The following CYP4X1 variants were observed in gnomAD, a reference collection of about 807,000 sequenced individuals.
CYP4X1 encodes cytochrome P450 4X1.
In CYP4X1, 44 loss-of-function variants were observed where a neutral mutation model predicts 57.9. That is an observed-to-expected ratio of 0.76 (90% CI 0.60 to 0.98). The LOEUF (loss-of-function observed/expected upper bound fraction) is 0.98, where lower values mean the gene tolerates loss of function less well. CYP4X1 is among the 50% of genes least tolerant of loss of function. The probability of loss-of-function intolerance (pLI) is 0.00; values close to 1 mark genes in which losing one functional copy is unlikely to be tolerated. For synonymous variants in CYP4X1, 227 were observed against 228.6 expected (o/e 0.99, Z 0.06); for missense variants, 532 against 623.9 (o/e 0.85, Z 1.57).
At chr1:46,968,412 T>G in the CYP4X1 span, among the ~76,000 whole-genome samples, 1 of 152,200 alleles carries the variant, frequency 6.6e-6, no homozygotes, top group African/African-American at 2.4e-5. Flanking sequence ...ATGCCCCAGC[T>G]GTCAGCCAGC....
At chr1:46,967,384 A>G in the CYP4X1 span, among the ~76,000 whole-genome samples, 1 of 152,234 alleles carries the variant, frequency 6.6e-6, no homozygotes, top group Non-Finnish European at 1.5e-5. Context: ...AAAAGCAGAA[A>G]AGCAGGCAGA....
chr1:46,994,010 C>T, the CYP4X1 span, among the ~76,000 whole-genome samples: 1 of 152,276 alleles, frequency 6.6e-6, no homozygotes, highest in East Asian at 1.9e-4. Context: ...TTGCCCATGC[C>T]TATGTCCTGA....
chr1:46,993,310 A>G, the CYP4X1 span, among the ~76,000 whole-genome samples: 2 of 150,552 alleles, frequency 1.3e-5, no homozygotes, highest in African/African-American at 2.5e-5. Context: ...GATGTGCCAC[A>G]TTTTCTTAAT....
the CYP4X1 span, among the ~76,000 whole-genome samples, chr1:47,016,349 A>T: frequency 4.2e-4 from 61 of 146,592 alleles, no homozygotes; most frequent in African/African-American, 6.3e-4. Flanking sequence ...TTTTTTTTTA[A>T]TTTTTTTTTT....
At chr1:47,024,290 C>G (rs1333683339) in intron 1 of CYP4X1, among the ~76,000 whole-genome samples, 21 of 152,204 alleles carry the variant, frequency 1.4e-4, no homozygotes, top group Admixed American at 1.4e-3. Flanking sequence ...AAGTCTGTCT[C>G]TCATTGCTTC....
At position 47,023,779 on chromosome 1, in the gene CYP4X1, G is replaced by A. The variant is rs747228433; in HGVS notation, c.-39G>A. 1.8e-5 allele frequency: 28 copies of A among 1,593,452 alleles called. No homozygotes were observed. The highest frequency in any genetic ancestry group is 2.1e-5 in the Non-Finnish European group (25 of 1,168,160). ...CGGGAGAAAGCCCACCCTCTCCCGC[G>A]CCCCAGGAAACCGCCGGCGTTCGGC... On this transcript the variant is annotated 5_prime_UTR_variant, in exon 1 of 12. Coordinates refer to ENST00000371901, the MANE Select transcript of CYP4X1 (RefSeq NM_178033.2).
the CYP4X1 span, among the ~76,000 whole-genome samples, chr1:46,981,695 C>A: frequency 5.3e-4 from 80 of 152,072 alleles, no homozygotes; most frequent in African/African-American, 1.9e-3. Context: ...ATGTTTATTG[C>A]GGCACTATTC....
chr1:46,975,568 T>C, the CYP4X1 span, among the ~76,000 whole-genome samples: 1 of 152,048 alleles, frequency 6.6e-6, no homozygotes, highest in Non-Finnish European at 1.5e-5. Flanking sequence ...GAGGATGACC[T>C]GCCCCTTCTT....
chr1:47,026,820 C>T (rs528926212), intron 1 of CYP4X1, among the ~76,000 whole-genome samples: 54 of 152,164 alleles, frequency 3.5e-4, no homozygotes, highest in Non-Finnish European at 7.2e-4. Context: ...CGGATTCAAG[C>T]GATTCTCCTG....
chr1:47,030,030 T>C lies in CYP4X1; in HGVS notation c.218T>C (p.Ile73Thr), dbSNP rs144009686. Residue 73 changes from isoleucine (I) to threonine (T), a missense_variant, in exon 2 of 12, where the codon ATT becomes ACT. Physicochemically the swap from Ile to Thr is moderately conservative, Grantham distance 89. Transcript: ENST00000371901. ...AACATGGAGAAGCTTGAGGAAATTA[T>C]TGAAAAATACCCTCGTGCCTTCCCT... ...DDNMEKLEEI[I>T]EKYPRAFPFW... 2.7e-4 allele frequency: 438 copies of C among 1,614,168 alleles called. 3 individuals carry two copies. The African/African-American group carries it at 5.1e-3, about 19-fold the overall frequency.
chr1:47,040,472 T>G (rs1644233342), intron 8 of CYP4X1, among the ~76,000 whole-genome samples: 1 of 152,164 alleles, frequency 6.6e-6, no homozygotes, highest in Admixed American at 6.5e-5. Context: ...CCATATTTCA[T>G]ATGCAAAAGT....
the CYP4X1 span, among the ~76,000 whole-genome samples, chr1:47,005,709 G>A: frequency 6.6e-6 from 1 of 152,124 alleles, no homozygotes; most frequent in Admixed American, 6.6e-5. Flanking sequence ...AAAAAAGCTG[G>A]CTTTAAAATT....
At chr1:47,018,303 C>T in the CYP4X1 span, among the ~76,000 whole-genome samples, 1 of 152,086 alleles carries the variant, frequency 6.6e-6, no homozygotes, top group Admixed American at 6.5e-5. Context: ...TCTTGGTGGG[C>T]TTTTGTTACG....
At chr1:46,972,765 T>C in the CYP4X1 span, among the ~76,000 whole-genome samples, 5 of 152,154 alleles carry the variant, frequency 3.3e-5, no homozygotes, top group African/African-American at 7.2e-5. Flanking sequence ...GAAATGCTAG[T>C]GATTTTTATA....
upstream of CYP4X1, among the ~76,000 whole-genome samples, chr1:47,020,409 GC>G (rs1286577454): frequency 6.6e-6 from 1 of 152,196 alleles, no homozygotes; most frequent in Non-Finnish European, 1.5e-5. Context: ...CATCTCCTCA[GC>G]TACAAAACTT....
the CYP4X1 span, among the ~76,000 whole-genome samples, chr1:46,995,192 T>TC: frequency 6.6e-6 from 1 of 151,056 alleles, no homozygotes; most frequent in African/African-American, 2.4e-5. Context: ...GCCTCAATTT[T>TC]TTCTGTTGTA....
At chr1:47,027,022 A>AT (rs995566957) in intron 1 of CYP4X1, among the ~76,000 whole-genome samples, 5 of 151,930 alleles carry the variant, frequency 3.3e-5, no homozygotes, top group East Asian at 1.9e-4. Context: ...GCTTTCTTTA[A>AT]TTTTTTTTAA....
chr1:47,029,773 A>T (rs1261246121), intron 1 of CYP4X1, among the ~76,000 whole-genome samples: 1 of 152,188 alleles, frequency 6.6e-6, no homozygotes, highest in Admixed American at 6.5e-5. Context: ...CTGGGGGTAC[A>T]GGATATATTA....
chr1:46,962,297 T>C, the CYP4X1 span, among the ~76,000 whole-genome samples: 1 of 152,084 alleles, frequency 6.6e-6, no homozygotes, highest in Non-Finnish European at 1.5e-5. Context: ...TTCATATTTT[T>C]AGTAGAGAAG....
Sources: gnomAD v4.1 joint callset for allele counts (sites outside exome capture counted in the v4.1 genomes callset) on GRCh38, gnomAD v4.1.1 for gene constraint, MANE v1.5 for transcripts, NCBI Gene and HGNC (gene_info 2026-07-23, HGNC 2026-07-21) for gene names.